The following PCA3 variants were observed in gnomAD, a reference collection of about 807,000 sequenced individuals.
PCA3 encodes prostate cancer associated 3.
intron 2 of PCA3, among the ~76,000 whole-genome samples, chr9:76,771,945 G>T (rs190488815): frequency 6.6e-6 from 1 of 152,218 alleles, no homozygotes; most frequent in African/African-American, 2.4e-5. Flanking sequence ...CACTAATGGC[G>T]TGGGACTCAG....
chr9:76,773,723 C>T (rs1389806462), intron 2 of PCA3, among the ~76,000 whole-genome samples: 4 of 152,138 alleles, frequency 2.6e-5, no homozygotes, highest in African/African-American at 4.8e-5. Context: ...GGATTACAGG[C>T]GTGAGCCACC....
chr9:76,773,804 A>G (rs1239878733), intron 2 of PCA3, among the ~76,000 whole-genome samples: 1 of 152,156 alleles, frequency 6.6e-6, no homozygotes, highest in African/African-American at 2.4e-5. Context: ...CTATGTTTCA[A>G]CTGGTAAAGG....
In PCA3 at chr9:76,775,895, AT is replaced by A. The variant is rs201278629; in HGVS notation, n.853-32686del. On this transcript the variant is annotated intron_variant and non_coding_transcript_variant, in intron 2 of 5. Transcript: ENST00000644657. ...AAGTACCACCATTTCTATAACTTCC[AT>A]TACTCCCCTCCTCCTATGACTACAC... Among the ~76,000 whole-genome samples, 132 of 149,208 alleles carry A rather than the reference AT, an allele frequency of 8.8e-4. 2 individuals carry two copies. The East Asian group carries it at 0.024, about 27-fold the overall frequency.
At chr9:76,783,131 CT>C (rs1020515586) in intron 2 of PCA3, among the ~76,000 whole-genome samples, 8 of 151,984 alleles carry the variant, frequency 5.3e-5, no homozygotes, top group Non-Finnish European at 4.4e-5. Context: ...CTGACTATGC[CT>C]TTTTTTGTTT....
In PCA3 at chr9:76,769,274, T is replaced by A. The variant is rs183431355; in HGVS notation, n.852+32659T>A. Among the ~76,000 whole-genome samples, 35 of 152,368 alleles carry A rather than the reference T, an allele frequency of 2.3e-4. No homozygotes were observed. The East Asian group carries it at 5.6e-3, about 24-fold the overall frequency. On this transcript the variant is annotated intron_variant and non_coding_transcript_variant, in intron 2 of 5. Coordinates refer to ENST00000644657, the Ensembl canonical transcript of PCA3. ...TCTGCAGCTTAAAACAATTTTTTAC[T>A]TCAATACACTGGGGACATCCCTCAG...
intron 2 of PCA3, among the ~76,000 whole-genome samples, chr9:76,776,821 T>G (rs963044809): frequency 4.3e-5 from 5 of 117,208 alleles, no homozygotes; most frequent in Non-Finnish European, 6.5e-5. Context: ...CAGCCAGCAG[T>G]TTTTTTTTTT....
chr9:76,771,945 G>A (rs190488815), intron 2 of PCA3, among the ~76,000 whole-genome samples: 51 of 152,336 alleles, frequency 3.3e-4, no homozygotes, highest in Admixed American at 1.1e-3. Context: ...CACTAATGGC[G>A]TGGGACTCAG....
chr9:76,778,198 C>A (rs1045965023), intron 2 of PCA3, among the ~76,000 whole-genome samples: 1 of 152,194 alleles, frequency 6.6e-6, no homozygotes, highest in African/African-American at 2.4e-5. Flanking sequence ...CAAGTCAAGG[C>A]TGAGGAAGAC....
intron 2 of PCA3, among the ~76,000 whole-genome samples, chr9:76,781,825 G>A (rs2054433628): frequency 6.6e-6 from 1 of 152,164 alleles, no homozygotes; most frequent in African/African-American, 2.4e-5. Flanking sequence ...CATCCTGCTG[G>A]ACTCTAATTT....
chr9:76,778,766 C>G (rs2054066092), intron 2 of PCA3: 1 of 152,164 alleles, frequency 6.6e-6, no homozygotes, highest in South Asian at 2.1e-4. Flanking sequence ...TAGAACAATG[C>G]CCAGATTAGT....
chr9:76,786,663 T>A (rs567753006), intron 2 of PCA3: 1 of 152,232 alleles, frequency 6.6e-6, no homozygotes, highest in African/African-American at 2.4e-5. Context: ...TTTTCTTCCA[T>A]CCCCACCACT....
At chr9:76,779,058 T>C (rs1000907184) in intron 2 of PCA3, 4 of 152,212 alleles carry the variant, frequency 2.6e-5, no homozygotes, top group Non-Finnish European at 5.9e-5. Context: ...TATCTCACCT[T>C]TGAAGATACT....
chr9:76,765,102 A>T (rs975545517), intron 2 of PCA3, among the ~76,000 whole-genome samples: 4 of 152,176 alleles, frequency 2.6e-5, no homozygotes, highest in Non-Finnish European at 4.4e-5. Context: ...TAGCAGATGT[A>T]CATTTGTTGG....
chr9:76,782,311 G>A (rs903732917), intron 2 of PCA3, among the ~76,000 whole-genome samples: 1 of 152,224 alleles, frequency 6.6e-6, no homozygotes, highest in Non-Finnish European at 1.5e-5. Context: ...AAGAATGAAT[G>A]AATGAAAGAA....
intron 2 of PCA3, among the ~76,000 whole-genome samples, chr9:76,771,716 G>A (rs1479255529): frequency 6.6e-6 from 1 of 152,150 alleles, no homozygotes; most frequent in African/African-American, 2.4e-5. Context: ...AAACCTAAAT[G>A]TCATTCTGAC....
intron 2 of PCA3, chr9:76,786,575 C>T (rs528156748): frequency 6.6e-6 from 1 of 152,328 alleles, no homozygotes; most frequent in Admixed American, 6.5e-5. Flanking sequence ...TATCTTTTCT[C>T]CAACACATCG....
chr9:76,778,248 CA>C (rs1172210047), intron 2 of PCA3: 2 of 152,210 alleles, frequency 1.3e-5, no homozygotes, highest in African/African-American at 4.8e-5. Context: ...TGATCTCATT[CA>C]ACCTTTCCCT....
intron 2 of PCA3, among the ~76,000 whole-genome samples, chr9:76,782,074 C>T (rs981236109): frequency 6.6e-6 from 1 of 152,204 alleles, no homozygotes; most frequent in African/African-American, 2.4e-5. Context: ...ATTAGCCCAG[C>T]GTGGTGGTGG....
chr9:76,781,636 T>C (rs893219689), intron 2 of PCA3, among the ~76,000 whole-genome samples: 12 of 152,228 alleles, frequency 7.9e-5, no homozygotes, highest in Non-Finnish European at 1.5e-4. Context: ...CTTAAATTAG[T>C]TTGAAATCTA....
Sources: allele counts gnomAD v4.1 joint callset (sites outside exome capture counted in the v4.1 genomes callset), GRCh38; gene constraint gnomAD v4.1.1; transcripts MANE v1.5; gene names NCBI Gene and HGNC (gene_info 2026-07-23, HGNC 2026-07-21).